The following GRIK1 variants were observed in gnomAD, a reference collection of about 807,000 sequenced individuals.
The protein encoded by GRIK1 is glutamate ionotropic receptor kainate type subunit 1, also known as glutamate receptor ionotropic, kainate 1.
GRIK1 carries 69 observed loss-of-function variants against 105.7 expected under a neutral mutation model. The observed-to-expected ratio is 0.65, with a 90% CI of 0.54 to 0.80. GRIK1 has a LOEUF of 0.80. Among genes scored for constraint, GRIK1 ranks in the 30% least tolerant of loss-of-function variants. The probability of loss-of-function intolerance (pLI) is 0.00; values close to 1 mark genes in which losing one functional copy is unlikely to be tolerated. For missense variants in GRIK1, 1,109 were observed against 1,167.3 expected, an observed-to-expected ratio of 0.95 and a Z score of 0.73; for synonymous variants, 438 against 431.3, an observed-to-expected ratio of 1.02 and a Z score of -0.19.
intron 10 of GRIK1, 39 bp from the exon 11 acceptor site, chr21:29,589,081 T>C: frequency 8.8e-7 from 1 of 1,133,848 alleles, no homozygotes; most frequent in Non-Finnish European, 1.3e-6. Flanking sequence ...CCTGTTATAA[T>C]GAAAGGAAGA....
intron 1 of GRIK1, among the ~76,000 whole-genome samples, chr21:29,747,496 CAGTT>C (rs1315293365): frequency 6.9e-6 from 1 of 145,386 alleles, no homozygotes; most frequent in Non-Finnish European, 1.5e-5. Context: ...CAGAAAGTAT[CAGTT>C]GGTTGAAGAA....
At chr21:29,589,264 G>A (rs576216695) in intron 10 of GRIK1, among the ~76,000 whole-genome samples, 5 of 152,074 alleles carry the variant, frequency 3.3e-5, no homozygotes, top group East Asian at 1.9e-4. Flanking sequence ...TTTTCCTTCC[G>A]CTGTGGAGGG....
At chr21:29,870,869 G>A (rs2068981971) in intron 1 of GRIK1, among the ~76,000 whole-genome samples, 1 of 151,854 alleles carries the variant, frequency 6.6e-6, no homozygotes, top group Non-Finnish European at 1.5e-5. Context: ...ACGGTTAAAT[G>A]CCTTTGAGAC....
intron 1 of GRIK1, among the ~76,000 whole-genome samples, chr21:29,894,073 G>A (rs1479728616): frequency 6.6e-6 from 1 of 152,098 alleles, no homozygotes; most frequent in Non-Finnish European, 1.5e-5. Flanking sequence ...AATAGTGAGA[G>A]GTAGGGCTGG....
intron 1 of GRIK1, among the ~76,000 whole-genome samples, chr21:29,919,980 A>T (rs1439014115): frequency 6.6e-6 from 1 of 152,116 alleles, no homozygotes; most frequent in Non-Finnish European, 1.5e-5. Flanking sequence ...AAGGAATGGG[A>T]GCAGGGGAGA....
At chr21:29,601,697 G>A (rs201570567) in intron 7 of GRIK1, among the ~76,000 whole-genome samples, 2 of 152,148 alleles carry the variant, frequency 1.3e-5, no homozygotes, top group South Asian at 2.1e-4. Flanking sequence ...AGGCCTCCCA[G>A]CTTATACACC....
chr21:29,729,423 G>C (rs1273857774), intron 1 of GRIK1, among the ~76,000 whole-genome samples: 1 of 152,126 alleles, frequency 6.6e-6, no homozygotes, highest in Non-Finnish European at 1.5e-5. Context: ...ATTTAGGAAG[G>C]ACATTAGTCA....
intron 1 of GRIK1, among the ~76,000 whole-genome samples, chr21:29,820,463 G>A (rs1042292738): frequency 6.6e-6 from 1 of 152,038 alleles, no homozygotes; most frequent in Non-Finnish European, 1.5e-5. Context: ...TTCTCTTTCT[G>A]ATGAAAATTG....
At chr21:29,933,842 C>T (rs1034607899) in intron 1 of GRIK1, among the ~76,000 whole-genome samples, 3 of 152,086 alleles carry the variant, frequency 2.0e-5, no homozygotes, top group South Asian at 2.1e-4. Context: ...TGAAGTCCTC[C>T]GTTACTCTTT....
intron 1 of GRIK1, among the ~76,000 whole-genome samples, chr21:29,816,016 T>G (rs1013621110): frequency 3.9e-5 from 6 of 151,958 alleles, no homozygotes; most frequent in African/African-American, 1.4e-4. Context: ...AGACAATCTA[T>G]TGATGGGAAA....
chr21:29,543,066 A>G (rs1245491712), intron 16 of GRIK1, among the ~76,000 whole-genome samples: 1 of 152,208 alleles, frequency 6.6e-6, no homozygotes, highest in Non-Finnish European at 1.5e-5. Flanking sequence ...AATGTAGACT[A>G]TTAAAGAAAT....
intron 1 of GRIK1, among the ~76,000 whole-genome samples, chr21:29,875,945 G>T (rs1208825085): frequency 6.6e-6 from 1 of 152,128 alleles, no homozygotes; most frequent in East Asian, 1.9e-4. Context: ...CCTCTAGAAG[G>T]TCCAGGTTGT....
intron 1 of GRIK1, among the ~76,000 whole-genome samples, chr21:29,734,465 G>A (rs1448813860): frequency 2.0e-5 from 3 of 150,330 alleles, no homozygotes; most frequent in Non-Finnish European, 4.4e-5. Context: ...GTGGAGTGCA[G>A]TGGCACAATC....
chr21:29,815,572 T>C (rs2067133208), intron 1 of GRIK1, among the ~76,000 whole-genome samples: 1 of 152,148 alleles, frequency 6.6e-6, no homozygotes, highest in Admixed American at 6.5e-5. Flanking sequence ...GATTTCCCAC[T>C]GACTAAAGAA....
At chr21:29,871,627 C>CTGT (rs1041908963) in intron 1 of GRIK1, among the ~76,000 whole-genome samples, 21 of 151,826 alleles carry the variant, frequency 1.4e-4, no homozygotes, top group Non-Finnish European at 2.9e-4. Context: ...GCAATGTATG[C>CTGT]TGTTGTAAAG....
intron 1 of GRIK1, among the ~76,000 whole-genome samples, chr21:29,872,319 G>A (rs1450708372): frequency 1.3e-5 from 2 of 151,098 alleles, no homozygotes; most frequent in African/African-American, 4.9e-5. Context: ...TCAGCCTCCC[G>A]AGTAGCTGGG....
At position 29,651,225 on chromosome 21, in the gene GRIK1, G is replaced by C. The variant is rs762188656; in HGVS notation, c.847C>G (p.Leu283Val). Residue 283 changes from leucine to valine, a missense_variant, in exon 6 of 18, where the codon CTT becomes GTT. Leu to Val is a conservative substitution (Grantham distance 32, BLOSUM62 1). Around this residue, in one of 5 missense-constraint regions of GRIK1, gnomAD observed 612 missense variants for 586.0 expected, o/e 1.04. Transcript: ENST00000327783. ...SGVNMTGFRLLNIDNPHVSSI... is the reference protein window; with the variant it reads ...SGVNMTGFRLVNIDNPHVSSI... Reference sequence around the variant, plus strand: ...GACACGTGAGGGTTGTCAATGTTAAGCAGCCGAAACCCGGTCATGTTTACG... The same window carrying C: ...GACACGTGAGGGTTGTCAATGTTAACCAGCCGAAACCCGGTCATGTTTACG... The C allele has an allele frequency of 1.9e-5, 30 of 1,613,558 alleles. No homozygotes were observed. Among genetic ancestry groups the C allele is most frequent in the Non-Finnish European group, 3.4e-6 (4 of 1,179,568 alleles).
At chr21:29,878,351 T>C (rs762731280) in intron 1 of GRIK1, among the ~76,000 whole-genome samples, 14 of 152,038 alleles carry the variant, frequency 9.2e-5, no homozygotes, top group Admixed American at 2.0e-4. Context: ...TGCTAGGAGA[T>C]GGAGACAAGA....
chr21:29,640,480 T>TC (rs1220603686), intron 7 of GRIK1, among the ~76,000 whole-genome samples: 1 of 152,130 alleles, frequency 6.6e-6, no homozygotes, highest in East Asian at 1.9e-4. Flanking sequence ...TCTGATTCAT[T>TC]CCCCCCTCCC....
Sources: allele counts gnomAD v4.1 joint callset (sites outside exome capture counted in the v4.1 genomes callset), GRCh38; gene constraint gnomAD v4.1.1; regional missense constraint gnomAD v4.1.1; transcripts MANE v1.5; gene names NCBI Gene and HGNC (gene_info 2026-07-23, HGNC 2026-07-21).